The following GALNT13 variants were observed in gnomAD, a reference collection of about 807,000 sequenced individuals.
GALNT13 encodes polypeptide N-acetylgalactosaminyltransferase 13.
GALNT13 carries 28 observed loss-of-function variants against 64.2 expected under a neutral mutation model. That is an observed-to-expected ratio of 0.44 (90% confidence interval 0.32 to 0.60). The LOEUF (loss-of-function observed/expected upper bound fraction) is 0.60. Ranked by LOEUF, GALNT13 falls within the 20% of genes least tolerant of loss-of-function variation. The pLI is 0.05. For missense variants in GALNT13, 577 were observed against 669.8 expected (o/e 0.86, Z 1.53); for synonymous variants, 214 against 224.6 (o/e 0.95, Z 0.42).
chr2:153,441,814 C>T, the GALNT13 span, among the ~76,000 whole-genome samples: 11 of 152,158 alleles, frequency 7.2e-5, no homozygotes, highest in Non-Finnish European at 1.3e-4. Flanking sequence ...TGAGACTTTG[C>T]TGAAGTTGCT....
chr2:153,729,780 C>T, the GALNT13 span, among the ~76,000 whole-genome samples: 1 of 151,904 alleles, frequency 6.6e-6, no homozygotes, highest in African/African-American at 2.4e-5. Context: ...TTTAGTAAAG[C>T]TTCAGTATGC....
At chr2:154,361,969 T>G (rs1574160671) in intron 9 of GALNT13, among the ~76,000 whole-genome samples, 1 of 152,204 alleles carries the variant, frequency 6.6e-6, no homozygotes, top group Admixed American at 6.5e-5. Flanking sequence ...CTGCCATACT[T>G]GATTTAGTTT....
At chr2:153,541,373 C>A in the GALNT13 span, among the ~76,000 whole-genome samples, 2 of 152,042 alleles carry the variant, frequency 1.3e-5, no homozygotes, top group Non-Finnish European at 2.9e-5. Context: ...TATAAATTAC[C>A]GAGTCTCAGA....
chr2:154,121,551 C>A (rs1487004262), intron 3 of GALNT13, among the ~76,000 whole-genome samples: 1 of 151,934 alleles, frequency 6.6e-6, no homozygotes, highest in Admixed American at 6.6e-5. Flanking sequence ...AACATTTACA[C>A]CTAAATGTTT....
At chr2:153,442,374 C>G in the GALNT13 span, among the ~76,000 whole-genome samples, 2 of 152,116 alleles carry the variant, frequency 1.3e-5, no homozygotes, top group Non-Finnish European at 2.9e-5. Flanking sequence ...ATTTTTGCAT[C>G]GATGTACATC....
chr2:154,399,910 T>TA (rs1699222672), intron 10 of GALNT13, among the ~76,000 whole-genome samples: 1 of 152,158 alleles, frequency 6.6e-6, no homozygotes, highest in African/African-American at 2.4e-5. Flanking sequence ...AACGGCTGTT[T>TA]AAAAAACCTG....
At chr2:153,505,493 T>C in the GALNT13 span, among the ~76,000 whole-genome samples, 1 of 152,162 alleles carries the variant, frequency 6.6e-6, no homozygotes. Context: ...CTTTCTGATG[T>C]AGGCATTTAA....
the GALNT13 span, among the ~76,000 whole-genome samples, chr2:153,711,599 C>T: frequency 1.9e-4 from 29 of 152,086 alleles, no homozygotes; most frequent in Admixed American, 1.8e-3. Context: ...ATTCTAATTC[C>T]TTAATACAAA....
chr2:153,082,618 TACACACACACACACACACACACACAC>T, the GALNT13 span, among the ~76,000 whole-genome samples: 215 of 30,196 alleles, frequency 7.1e-3, 7 homozygotes, highest in African/African-American at 0.029. Flanking sequence ...TATATATATA[TACACACACACACACACACACACACAC>T]ACACACACAC....
At chr2:153,070,991 T>G in the GALNT13 span, among the ~76,000 whole-genome samples, 1 of 152,174 alleles carries the variant, frequency 6.6e-6, no homozygotes, top group Admixed American at 6.5e-5. Context: ...AAATTATTAT[T>G]TTTTTATTTA....
At chr2:153,606,613 A>G in the GALNT13 span, among the ~76,000 whole-genome samples, 1 of 152,086 alleles carries the variant, frequency 6.6e-6, no homozygotes, top group Non-Finnish European at 1.5e-5. Flanking sequence ...CTAAACCATG[A>G]TAATATTTAG....
chr2:153,884,233 A>T (rs370041025), intron 1 of GALNT13, among the ~76,000 whole-genome samples: 93 of 152,154 alleles, frequency 6.1e-4, no homozygotes, highest in African/African-American at 2.2e-3. Context: ...ATAATGGCTA[A>T]ACTACTTTGA....
the GALNT13 span, among the ~76,000 whole-genome samples, chr2:153,566,837 G>C: frequency 6.6e-6 from 1 of 152,220 alleles, no homozygotes; most frequent in East Asian, 1.9e-4. Flanking sequence ...TGCCTATAAT[G>C]GCAAATATTT....
At chr2:153,692,161 G>A in the GALNT13 span, among the ~76,000 whole-genome samples, 1 of 152,052 alleles carries the variant, frequency 6.6e-6, no homozygotes, top group African/African-American at 2.4e-5. Context: ...TATTCCTTTG[G>A]TATAAATTAT....
At chr2:153,257,152 T>C in the GALNT13 span, among the ~76,000 whole-genome samples, 3 of 152,238 alleles carry the variant, frequency 2.0e-5, no homozygotes, top group Non-Finnish European at 4.4e-5. Flanking sequence ...TATAATCTTG[T>C]GGTGCGCCGT....
At chr2:153,910,165 G>T (rs183898526) in intron 2 of GALNT13, among the ~76,000 whole-genome samples, 3 of 151,880 alleles carry the variant, frequency 2.0e-5, no homozygotes, top group East Asian at 3.9e-4. Flanking sequence ...GTTTAGTCAT[G>T]GGAGGGTATA....
chr2:154,000,583 C>T (rs538968037), intron 3 of GALNT13, among the ~76,000 whole-genome samples: 3 of 151,972 alleles, frequency 2.0e-5, no homozygotes, highest in East Asian at 3.9e-4. Context: ...CAAATGTCTA[C>T]GTATTAGAGT....
chr2:154,158,085 T>A (rs1053781330), intron 4 of GALNT13, among the ~76,000 whole-genome samples: 1 of 152,146 alleles, frequency 6.6e-6, no homozygotes, highest in African/African-American at 2.4e-5. Flanking sequence ...ATGTTCAATA[T>A]CATTTAATCT....
the GALNT13 span, among the ~76,000 whole-genome samples, chr2:153,363,528 CATA>C: frequency 6.6e-6 from 1 of 151,830 alleles, no homozygotes; most frequent in African/African-American, 2.4e-5. Flanking sequence ...ATCAAATAGA[CATA>C]ATAAAAAATG....
Sources: gnomAD v4.1 joint callset for allele counts (sites outside exome capture counted in the v4.1 genomes callset) on GRCh38, gnomAD v4.1.1 for gene constraint, MANE v1.5 for transcripts, NCBI Gene and HGNC (gene_info 2026-07-23, HGNC 2026-07-21) for gene names.